Variants in DNM2 observed in about 807,000 individuals in gnomAD.
The protein encoded by DNM2 is dynamin 2, also known as dynamin-2.
A neutral mutation model predicts 99.0 loss-of-function variants in DNM2; 15 were observed. The observed-to-expected ratio is 0.15, with a 90% confidence interval of 0.10 to 0.23. The LOEUF (loss-of-function observed/expected upper bound fraction) is 0.23. Among genes scored for constraint, DNM2 ranks in the 10% least tolerant of loss-of-function variants. DNM2 has a pLI of 1.00. For synonymous variants in DNM2, 525 were observed against 481.2 expected (o/e 1.09, Z -1.19); for missense variants, 742 against 1,189.4 (o/e 0.62, Z 5.53).
Position 10,808,554 on chromosome 19 carries a change from T to G in DNM2, c.1546-15T>G. On this transcript the variant is annotated splice_polypyrimidine_tract_variant and intron_variant, in intron 13 of 20. Coordinates refer to ENST00000389253, the MANE Select transcript of DNM2 (RefSeq NM_001005361.3). ...TCCCTGATTTACCCACAACCCTAAC[T>G]TTGCATATTCAAAGGGGGAGATCCT... The G allele has an allele frequency of 6.2e-7, 1 of 1,612,094 alleles. No individual in the cohort carries two copies. Among genetic ancestry groups the G allele is most frequent in the African/African-American group, 1.3e-5 (1 of 74,994 alleles).
At chr19:10,733,400 C>G (rs1055622407) in intron 1 of DNM2, among the ~76,000 whole-genome samples, 2 of 151,348 alleles carry the variant, frequency 1.3e-5, no homozygotes, top group Non-Finnish European at 2.9e-5. Flanking sequence ...TCCATGTTGC[C>G]CAGGCTGGTC....
At chr19:10,802,014 A>G (rs563949686) in intron 11 of DNM2, among the ~76,000 whole-genome samples, 1 of 152,068 alleles carries the variant, frequency 6.6e-6, no homozygotes, top group South Asian at 2.1e-4. Flanking sequence ...GCCCAGGGTC[A>G]CACGGCCAAT....
At chr19:10,807,324 T>C (rs1399461303) in intron 13 of DNM2, among the ~76,000 whole-genome samples, 1 of 151,990 alleles carries the variant, frequency 6.6e-6, no homozygotes, top group African/African-American at 2.4e-5. Flanking sequence ...CACTGCAACC[T>C]CCACCTCCCG....
chr19:10,744,792 T>A (rs2069902405), intron 1 of DNM2, among the ~76,000 whole-genome samples: 1 of 152,106 alleles, frequency 6.6e-6, no homozygotes, highest in African/African-American at 2.4e-5. Context: ...GTCCCACAGC[T>A]GGCACTCACC....
intron 15 of DNM2, among the ~76,000 whole-genome samples, chr19:10,813,170 C>T (rs917689455): frequency 5.3e-5 from 8 of 152,140 alleles, no homozygotes; most frequent in South Asian, 2.1e-4. Context: ...GTGTGCAGAA[C>T]GATCCCCACA....
rs1308065997 is a variant in DNM2 at position 10,795,649 on chromosome 19, G to A, written c.1196+210G>A. ...AGTCCTGCGTCCATTGCAGGCTTCA[G>A]GGCTGTCTGCAGCTCCTGATCAAAT... On this transcript the variant is annotated intron_variant, in intron 9 of 20. Coordinates refer to ENST00000389253, the MANE Select transcript of DNM2 (RefSeq NM_001005361.3). The surrounding 1 kb of genome is among the most constrained non-coding windows in gnomAD (Gnocchi z 4.2). 1 of 617,566 alleles carries A rather than the reference G, an allele frequency of 1.6e-6. No homozygotes were observed. Among genetic ancestry groups the A allele is most frequent in the Non-Finnish European group, 2.9e-6 (1 of 347,692 alleles). 38.3% of individuals were successfully genotyped at this position (617,566 alleles called of 1,614,324 possible). A position where few individuals can be genotyped will look rare whatever the true frequency, so the allele number is the denominator to read the frequency against.
intron 7 of DNM2, among the ~76,000 whole-genome samples, chr19:10,791,233 C>T (rs1200784123): frequency 2.6e-5 from 4 of 152,014 alleles, no homozygotes; most frequent in Non-Finnish European, 5.9e-5. Context: ...GATCCTCAGG[C>T]GTGCACCACA....
At position 10,831,070 on chromosome 19, in the gene DNM2, G is replaced by C. The variant is rs751358047; in HGVS notation, c.*23G>C. ...TAGGCCTCGAGGGGGGCGTGCTCTC[G>C]GGGGGGCCTCACGCACCCGCGGCGC... On this transcript the variant is annotated 3_prime_UTR_variant, in exon 21 of 21. Coordinates refer to ENST00000389253, the MANE Select transcript of DNM2 (RefSeq NM_001005361.3). This position sits in a 1 kb window ranked among gnomAD's most constrained non-coding sequence, Gnocchi z 4.3. 3 of 1,580,758 alleles carry C rather than the reference G, an allele frequency of 1.9e-6. No individual in the cohort carries two copies. The highest frequency in any genetic ancestry group is 1.1e-5 in the South Asian group (1 of 87,110).
chr19:10,795,230 T>C lies in DNM2; in HGVS notation c.1129-142T>C. 1 of 814,148 alleles carries C rather than the reference T, an allele frequency of 1.2e-6. No homozygotes were observed. The allele number at this position is 814,148 out of a possible 1,614,324, so 50.4% of individuals were successfully genotyped here. A position where few individuals can be genotyped will look rare whatever the true frequency, so the allele number is the denominator to read the frequency against. On this transcript the variant is annotated intron_variant, in intron 8 of 20. Coordinates refer to ENST00000389253, the MANE Select transcript of DNM2 (RefSeq NM_001005361.3). This position sits in a 1 kb window ranked among gnomAD's most constrained non-coding sequence, Gnocchi z 4.2. ...GCCACTGTATCTGGCCAGTTTTCAA[T>C]TTTTTAAATAAAATTTTGACGAGTT...
intron 5 of DNM2, among the ~76,000 whole-genome samples, chr19:10,778,529 A>G (rs768309155): frequency 3.3e-5 from 5 of 152,020 alleles, no homozygotes; most frequent in East Asian, 1.9e-4. Context: ...GCATACACCT[A>G]TAGTCCCACC....
chr19:10,828,805 G>A (rs540259572), intron 18 of DNM2, among the ~76,000 whole-genome samples: 13 of 151,594 alleles, frequency 8.6e-5, no homozygotes, highest in Non-Finnish European at 1.5e-4. Context: ...CGTGCCTGTC[G>A]TCCTAGCTAC....
At chr19:10,778,681 G>A (rs956874445) in intron 5 of DNM2, among the ~76,000 whole-genome samples, 6 of 151,812 alleles carry the variant, frequency 4.0e-5, no homozygotes, top group Non-Finnish European at 8.8e-5. Context: ...TAAATCCTAG[G>A]CATTGTAGCA....
chr19:10,781,896 C>A (rs1164510182), intron 5 of DNM2: 1 of 152,104 alleles, frequency 6.6e-6, no homozygotes, highest in African/African-American at 2.4e-5. Context: ...ACCTCCTTCT[C>A]GGTGTAGTTT....
At position 10,819,910 on chromosome 19, in the gene DNM2, C is replaced by T. The variant is rs1017387662; in HGVS notation, c.1672-70C>T. 6.9e-6 allele frequency: 10 copies of T among 1,443,420 alleles called. No individual in the cohort carries two copies. In the African/African-American group the frequency reaches 8.4e-5, roughly 12 times the overall value. The allele number at this position is 1,443,420 out of a possible 1,614,324, so 89.4% of individuals were successfully genotyped here. On this transcript the variant is annotated intron_variant, in intron 15 of 20. Transcript: ENST00000389253. ...GGGGCTGGTGGTGGCGCATGCTACA[C>T]GCTCTGGCCTGGGGCATCCTGAGTT...
intron 9 of DNM2, among the ~76,000 whole-genome samples, 190 bp from the exon 10 acceptor site, chr19:10,797,190 C>T (rs2058655341): frequency 6.6e-6 from 1 of 151,908 alleles, no homozygotes; most frequent in African/African-American, 2.4e-5. Context: ...AGACCGAGCC[C>T]ACACCCCCAA....
In DNM2 at chr19:10,796,627, G is replaced by A. The variant is rs1429686542; in HGVS notation, c.1197-753G>A. Among the ~76,000 whole-genome samples the A allele has an allele frequency of 6.6e-6, 1 of 152,070 alleles. No individual in the cohort carries two copies. The highest frequency in any genetic ancestry group is 6.5e-5 in the Admixed American group (1 of 15,270). Reference sequence around the variant, plus strand: ...ATTCTCAGACTTCCCTGGAGCCACCGACTTCTCTGTCCCTCAGCTCCGGGA... The same window carrying A: ...ATTCTCAGACTTCCCTGGAGCCACCAACTTCTCTGTCCCTCAGCTCCGGGA... On this transcript the variant is annotated intron_variant, in intron 9 of 20. Coordinates refer to ENST00000389253, the MANE Select transcript of DNM2 (RefSeq NM_001005361.3). This position sits in a 1 kb window ranked among gnomAD's most constrained non-coding sequence, Gnocchi z 5.6.
chr19:10,751,853 G>A (rs954803155), intron 1 of DNM2, among the ~76,000 whole-genome samples: 7 of 152,212 alleles, frequency 4.6e-5, no homozygotes, highest in Non-Finnish European at 8.8e-5. Flanking sequence ...TTAAACACTC[G>A]AACAAAGGAT....
At chr19:10,780,394 T>C (rs189561533) in intron 5 of DNM2, 14 of 152,562 alleles carry the variant, frequency 9.2e-5, no homozygotes, top group Admixed American at 4.6e-4. Flanking sequence ...TAAGGGCCTT[T>C]GGGGTCTGTG....
At position 10,831,670 on chromosome 19, in the gene DNM2, T is replaced by TCTC. The variant is rs971881209; in HGVS notation, c.*638_*640dup. Reference sequence around the variant, plus strand: ...GCCCGGGCCGGCCTTGCCCTATTCCTCTCCTCCTCCTCCTCCTGGGTCCCC... The same window carrying TCTC: ...GCCCGGGCCGGCCTTGCCCTATTCCTCTCCTCCTCCTCCTCCTCCTGGGTCCCC... On this transcript the variant is annotated 3_prime_UTR_variant, in exon 21 of 21. Coordinates refer to ENST00000389253, the MANE Select transcript of DNM2 (RefSeq NM_001005361.3). The surrounding 1 kb of genome is among the most constrained non-coding windows in gnomAD (Gnocchi z 4.3). 1.6e-5 allele frequency: 16 copies of TCTC among 985,642 alleles called. No individual in the cohort carries two copies. Among genetic ancestry groups the TCTC allele is most frequent in the South Asian group, 4.7e-5 (1 of 21,296 alleles). 61.1% of individuals were successfully genotyped at this position (985,642 alleles called of 1,614,324 possible).
Sources: gnomAD v4.1 joint callset for allele counts (sites outside exome capture counted in the v4.1 genomes callset) on GRCh38, gnomAD v4.1.1 for gene constraint, Gnocchi (gnomAD v3.1) non-coding constraint, MANE v1.5 for transcripts, NCBI Gene and HGNC (gene_info 2026-07-23, HGNC 2026-07-21) for gene names.